Variants in PSG1 observed in about 807,000 individuals in gnomAD.
PSG1 encodes the protein pregnancy-specific beta-1-glycoprotein 1.
In PSG1, 60 loss-of-function variants were observed where a neutral mutation model predicts 41.4. That is an observed-to-expected ratio of 1.45 (90% CI 1.18 to 1.80). The LOEUF (loss-of-function observed/expected upper bound fraction) is 1.80, where lower values mean the gene tolerates loss of function less well. PSG1 is among the 40% of genes most tolerant of loss of function. PSG1 has a pLI of 0.00. For missense variants in PSG1, 806 were observed against 516.9 expected (o/e 1.56, Z -5.42); for synonymous variants, 256 against 192.9 (o/e 1.33, Z -2.71).
Position 42,872,062 on chromosome 19 carries a change from G to C in PSG1, c.431-17C>G. On this transcript the variant is annotated splice_polypyrimidine_tract_variant and intron_variant, in intron 2 of 5. Coordinates refer to ENST00000436291, the MANE Select transcript of PSG1 (RefSeq NM_001184825.2). ...GAGTCTCCACTGTGCAGAAAACAGGGTGAAGATTGCCGTGTGTGGCGCCTT... is the reference window on the plus strand; with the variant it reads ...GAGTCTCCACTGTGCAGAAAACAGGCTGAAGATTGCCGTGTGTGGCGCCTT... 6.2e-7 allele frequency: 1 copy of C among 1,602,652 alleles called. No individual in the cohort carries two copies.
intron 3 of PSG1, among the ~76,000 whole-genome samples, chr19:42,870,834 CT>C: frequency 6.6e-6 from 1 of 151,758 alleles, no homozygotes; most frequent in East Asian, 1.9e-4. Flanking sequence ...GTTAAACTTA[CT>C]CCAAAATATT....
In PSG1 at chr19:42,868,742, C is replaced by G; in HGVS notation, c.988+14G>C. ...GCTGGTGTCCTGGCCCACAGAGGAACAAAAGATACTCACAGAGGACATTCA... is the reference window on the plus strand; with the variant it reads ...GCTGGTGTCCTGGCCCACAGAGGAAGAAAAGATACTCACAGAGGACATTCA... On this transcript the variant is annotated intron_variant, in intron 4 of 5. Coordinates refer to ENST00000436291, the MANE Select transcript of PSG1 (RefSeq NM_001184825.2). The G allele has an allele frequency of 6.2e-7, 1 of 1,611,196 alleles. No individual in the cohort carries two copies.
At position 42,868,478 on chromosome 19, in the gene PSG1, C is replaced by T. The variant is rs548175794; in HGVS notation, c.989-123G>A. On this transcript the variant is annotated intron_variant, in intron 4 of 5. Transcript: ENST00000436291. ...CACCCTCAAGTCCCAGCCCAACCCC[C>T]TCTATGTTCACTGAGCCGAATCCTG... 1.6e-5 allele frequency: 24 copies of T among 1,483,356 alleles called. 1 individual carries two copies. The Admixed American group carries it at 4.0e-4, about 25-fold the overall frequency. The allele number at this position is 1,483,356 out of a possible 1,614,324, so 91.9% of individuals were successfully genotyped here.
Position 42,879,658 on chromosome 19 carries a change from T to G in PSG1, c.-77A>C. 1 of 1,567,120 alleles carries G rather than the reference T, an allele frequency of 6.4e-7. No individual in the cohort carries two copies. Among genetic ancestry groups the G allele is most frequent in the Non-Finnish European group, 8.7e-7 (1 of 1,146,924 alleles). The stretch of plus-strand genomic sequence containing the variant: ...AAACTCTCTGAGCACGGCTGTCAGC[T>G]GTGCTGTCCTTCCTCTTTCTGTGCT... On this transcript the variant is annotated 5_prime_UTR_variant, in exon 1 of 6. Transcript: ENST00000436291.
intron 2 of PSG1, among the ~76,000 whole-genome samples, chr19:42,873,416 T>A (rs1718008150): frequency 1.3e-5 from 2 of 151,632 alleles, no homozygotes; most frequent in Non-Finnish European, 2.9e-5. Context: ...CGATGCTCAA[T>A]TTGTAACAGT....
In PSG1 at chr19:42,877,904, A is replaced by G; in HGVS notation, c.430+9T>C. ...CCCCAACACCCAGGGATCATGTGGA[A>G]TCACTTACGGTGTAAGGTGAAGGTG... On this transcript the variant is annotated intron_variant, in intron 2 of 5. Coordinates refer to ENST00000436291, the MANE Select transcript of PSG1 (RefSeq NM_001184825.2). The G allele has an allele frequency of 1.2e-6, 2 of 1,611,984 alleles. No individual in the cohort carries two copies. Among genetic ancestry groups the G allele is most frequent in the Non-Finnish European group, 1.7e-6 (2 of 1,178,882 alleles).
In PSG1 at chr19:42,878,171, A is replaced by C. The variant is rs766848514; in HGVS notation, c.172T>G (p.Leu58Val). 4.3e-6 allele frequency: 7 copies of C among 1,612,134 alleles called. 1 individual carries two copies. The highest frequency in any genetic ancestry group is 3.3e-5 in the South Asian group (3 of 90,800). Residue 58 changes from leucine (L) to valine (V), a missense_variant, in exon 2 of 6, where the codon TTG becomes GTG. Leu to Val is a conservative substitution (Grantham distance 32). Coordinates refer to ENST00000436291, the MANE Select transcript of PSG1 (RefSeq NM_001184825.2). ...ATGTAGCCGGTAAGATTCTGGGGCAAATTGTGGACAAGTAGAAGAACATCC... is the reference window on the plus strand; with the variant it reads ...ATGTAGCCGGTAAGATTCTGGGGCACATTGTGGACAAGTAGAAGAACATCC... ...GKDVLLLVHN[L>V]PQNLTGYIWY...
intron 2 of PSG1, among the ~76,000 whole-genome samples, chr19:42,872,414 T>C (rs1971432372): frequency 6.6e-6 from 1 of 151,684 alleles, no homozygotes; most frequent in East Asian, 1.9e-4. Context: ...ATCTTGTTAG[T>C]TTCAGTCTCA....
At chr19:42,872,159 G>A (rs1971421616) in intron 2 of PSG1, 114 bp from the exon 3 acceptor site, 3 of 1,419,048 alleles carry the variant, frequency 2.1e-6, no homozygotes, top group Non-Finnish European at 2.9e-6. Context: ...GTCCTTAAAA[G>A]CCCATGGCAG....
At position 42,879,682 on chromosome 19, in the gene PSG1, C is replaced by T. The variant is rs1971787626; in HGVS notation, c.-101G>A. 6.6e-7 allele frequency: 1 copy of T among 1,523,482 alleles called. No homozygotes were observed. The highest frequency in any genetic ancestry group is 1.4e-5 in the African/African-American group (1 of 72,286). 94.4% of individuals were successfully genotyped at this position (1,523,482 alleles called of 1,614,324 possible). A position where few individuals can be genotyped will look rare whatever the true frequency, so the allele number is the denominator to read the frequency against. On this transcript the variant is annotated 5_prime_UTR_variant, in exon 1 of 6. Transcript: ENST00000436291. ...CTGTGCTGTCCTTCCTCTTTCTGTG[C>T]TGAGCCTCTTCCCAGGGCAGGAGCA...
chr19:42,867,214 T>C (rs1008684725), intron 5 of PSG1, 64 bp from the exon 6 acceptor site: 2 of 762,508 alleles, frequency 2.6e-6, no homozygotes, highest in African/African-American at 3.4e-5. Context: ...ACAGGTATAC[T>C]ACAGTTTTTA....
chr19:42,868,894 G>A lies in PSG1; in HGVS notation c.850C>T (p.Pro284Ser). The change falls in exon 4 of 6, where the codon CCC becomes TCC. Residue 284 changes from proline (P) to serine (S), a missense_variant. Physicochemically the swap from Pro to Ser is moderately conservative, Grantham distance 74. Coordinates refer to ENST00000436291, the MANE Select transcript of PSG1 (RefSeq NM_001184825.2). Reference protein sequence around the residue: ...WLNGQSLPVSPRVKRPIENRI... With the variant: ...WLNGQSLPVSSRVKRPIENRI... ...TTTTCAATGGGTCGCTTTACCCTGG[G>A]ACTGACCGGGAGGCTCTGACCATTT... is the stretch of plus-strand genomic sequence containing the variant. 6.2e-7 allele frequency: 1 copy of A among 1,610,636 alleles called. No homozygotes were observed. Among genetic ancestry groups the A allele is most frequent in the East Asian group, 2.2e-5 (1 of 44,800 alleles).
chr19:42,878,085 A>T lies in PSG1; in HGVS notation c.258T>A (p.Gly86=). 6.2e-7 allele frequency: 1 copy of T among 1,612,106 alleles called. No homozygotes were observed. Among genetic ancestry groups the T allele is most frequent in the Non-Finnish European group, 8.5e-7 (1 of 1,179,080 alleles). ...ATGCAGGCCCATATATAATTATTTC[A>T]CCGTCTACTACATATGATGTAATGT... The part of the protein sequence containing the change: ...YHYITSYVVD[G]EIIIYGPAYS... Residue 86 remains glycine, a synonymous_variant, in exon 2 of 6, where the codon GGT becomes GGA. Coordinates refer to ENST00000436291, the MANE Select transcript of PSG1 (RefSeq NM_001184825.2).
chr19:42,872,623 G>A (rs1337992413), intron 2 of PSG1, among the ~76,000 whole-genome samples: 3 of 151,662 alleles, frequency 2.0e-5, no homozygotes, highest in Admixed American at 2.0e-4. Flanking sequence ...GGAGCCACGA[G>A]GTGGGGCAGT....
At position 42,868,345 on chromosome 19, in the gene PSG1, G is replaced by T. The variant is rs1444935247; in HGVS notation, c.999C>A (p.Asp333Glu). The T allele has an allele frequency of 6.2e-7, 1 of 1,609,184 alleles. No individual in the cohort carries two copies. The highest frequency in any genetic ancestry group is 8.5e-7 in the Non-Finnish European group (1 of 1,176,946). Residue 333 changes from aspartate (D) to glutamate (E), a missense_variant, in exon 5 of 6, where the codon GAC becomes GAA. By Grantham distance (45) the Asp-to-Glu change is conservative. Transcript: ENST00000436291. ...TGAATGAAGGGTAAATTCTGGGGAG[G>T]TCTGGACCATCTGGAGCAAAGAGAA... Reference protein sequence around the residue: ...PVTLNVLYGPDLPRIYPSFTY... With the variant: ...PVTLNVLYGPELPRIYPSFTY...
chr19:42,876,931 T>C (rs1971632549), intron 2 of PSG1: 1 of 151,832 alleles, frequency 6.6e-6, no homozygotes. Flanking sequence ...ACAGACCTCA[T>C]GTGACCCTGA....
Position 42,867,057 on chromosome 19 carries a change from T to C in PSG1, c.*77A>G, listed in dbSNP as rs750893584. On this transcript the variant is annotated 3_prime_UTR_variant, in exon 6 of 6. Transcript: ENST00000436291. ...CATTGAGTTGTCCACCTCCAGCTTATAGGGCTTCTGGAACAGAGTGGGTCT... is the reference window on the plus strand; with the variant it reads ...CATTGAGTTGTCCACCTCCAGCTTACAGGGCTTCTGGAACAGAGTGGGTCT... The C allele has an allele frequency of 2.6e-6, 2 of 771,612 alleles. No individual in the cohort carries two copies. Among genetic ancestry groups the C allele is most frequent in the South Asian group, 1.3e-5 (1 of 74,390 alleles). 47.8% of individuals were successfully genotyped at this position (771,612 alleles called of 1,614,324 possible). A position where few individuals can be genotyped will look rare whatever the true frequency, so the allele number is the denominator to read the frequency against.
rs780335842 is a variant in PSG1 at position 42,878,098 on chromosome 19, T to C, written c.245A>G (p.Tyr82Cys). ...TATAATTATTTCACCGTCTACTACATATGATGTAATGTAATGGTAGAGGTC... is the reference window on the plus strand; with the variant it reads ...TATAATTATTTCACCGTCTACTACACATGATGTAATGTAATGGTAGAGGTC... ...MRDLYHYITS[Y>C]VVDGEIIIYG... is the part of the protein sequence containing the mutation. Residue 82 changes from tyrosine (Y) to cysteine (C), a missense_variant, in exon 2 of 6, where the codon TAT becomes TGT. Tyr to Cys is a radical substitution (Grantham distance 194). Coordinates refer to ENST00000436291, the MANE Select transcript of PSG1 (RefSeq NM_001184825.2). 1.2e-6 allele frequency: 2 copies of C among 1,612,294 alleles called. No homozygotes were observed. Among genetic ancestry groups the C allele is most frequent in the Non-Finnish European group, 1.7e-6 (2 of 1,179,126 alleles).
intron 5 of PSG1, chr19:42,867,885 G>T (rs3199707): frequency 2.1e-6 from 3 of 1,403,370 alleles, no homozygotes; most frequent in South Asian, 2.8e-5. Flanking sequence ...TGTTCTTCCT[G>T]CTTGGTCTAG....
Sources: allele counts gnomAD v4.1 joint callset (sites outside exome capture counted in the v4.1 genomes callset), GRCh38; gene constraint gnomAD v4.1.1; transcripts MANE v1.5; gene names NCBI Gene and HGNC (gene_info 2026-07-23, HGNC 2026-07-21).